MAST2: variants seen among roughly 807,000 people sequenced by gnomAD.
MAST2 encodes microtubule associated serine/threonine kinase 2.
A neutral mutation model predicts 147.4 loss-of-function variants in MAST2; 70 were observed. That is an observed-to-expected ratio of 0.47 (90% CI 0.39 to 0.58). MAST2 has a LOEUF of 0.58. Ranked by LOEUF, MAST2 falls within the 20% of genes least tolerant of loss-of-function variation. The pLI, the probability that MAST2 is intolerant of heterozygous loss-of-function variation, is 0.00. For missense variants in MAST2, 2,080 were observed against 2,302.3 expected, an observed-to-expected ratio of 0.90 and a Z score of 1.98; for synonymous variants, 869 against 896.8, an observed-to-expected ratio of 0.97 and a Z score of 0.55.
chr1:45,894,648 A>G (rs1369136657), intron 4 of MAST2, among the ~76,000 whole-genome samples: 1 of 152,220 alleles, frequency 6.6e-6, no homozygotes, highest in African/African-American at 2.4e-5. Flanking sequence ...ATTTGCTAAA[A>G]TTTTAACCAG....
At chr1:45,994,908 G>A (rs1192948099) in intron 5 of MAST2, among the ~76,000 whole-genome samples, 2 of 150,396 alleles carry the variant, frequency 1.3e-5, no homozygotes, top group Middle Eastern at 3.2e-3. Context: ...GCACTGTCTC[G>A]GCTCACTGCA....
chr1:45,911,056 A>C (rs1009385046), intron 4 of MAST2, among the ~76,000 whole-genome samples: 2 of 152,186 alleles, frequency 1.3e-5, no homozygotes, highest in Non-Finnish European at 2.9e-5. Context: ...TAAAGTGAGA[A>C]GCCCATAGCA....
intron 3 of MAST2, 144 bp downstream of exon 3, chr1:45,829,725 T>C: frequency 1.1e-6 from 1 of 926,412 alleles, no homozygotes; most frequent in East Asian, 2.7e-5. Flanking sequence ...AATTTATTAT[T>C]ATTTTTTTTA....
At chr1:45,877,060 G>T (rs559658008) in intron 3 of MAST2, among the ~76,000 whole-genome samples, 2 of 152,036 alleles carry the variant, frequency 1.3e-5, no homozygotes, top group African/African-American at 4.8e-5. Context: ...TCGTCTGTTC[G>T]TGCTGCTATA....
chr1:45,866,468 G>A (rs1027839828), intron 3 of MAST2, among the ~76,000 whole-genome samples: 7 of 152,124 alleles, frequency 4.6e-5, no homozygotes, highest in African/African-American at 1.7e-4. Flanking sequence ...TAGTTGCACT[G>A]CTTATTTATA....
chr1:46,013,577 G>C (rs1348327419), intron 10 of MAST2, among the ~76,000 whole-genome samples: 1 of 152,096 alleles, frequency 6.6e-6, no homozygotes, highest in East Asian at 1.9e-4. Flanking sequence ...CCGCTCGGGA[G>C]GCTGAGGCAG....
intron 3 of MAST2, among the ~76,000 whole-genome samples, chr1:45,842,567 T>A (rs978275177): frequency 1.3e-5 from 2 of 152,232 alleles, no homozygotes; most frequent in African/African-American, 4.8e-5. Flanking sequence ...TGACCTTCTG[T>A]ATCTGGTTTA....
intron 4 of MAST2, among the ~76,000 whole-genome samples, chr1:45,914,423 G>A (rs1459645655): frequency 1.3e-5 from 2 of 152,114 alleles, no homozygotes; most frequent in Admixed American, 1.3e-4. Context: ...AGTGGAAGAA[G>A]GCTTCCTCTT....
At chr1:45,961,081 C>CAAA (rs1219159932) in intron 5 of MAST2, among the ~76,000 whole-genome samples, 1 of 152,108 alleles carries the variant, frequency 6.6e-6, no homozygotes, top group Non-Finnish European at 1.5e-5. Context: ...AGAAGCCAGC[C>CAAA]TTTTAGTGTG....
chr1:45,985,022 A>T (rs1045345183), intron 5 of MAST2, among the ~76,000 whole-genome samples: 2 of 152,334 alleles, frequency 1.3e-5, no homozygotes, highest in Non-Finnish European at 2.9e-5. Context: ...TTACTGTGAT[A>T]AAATTGATAT....
chr1:45,807,354 C>G (rs1178535513), intron 1 of MAST2, among the ~76,000 whole-genome samples: 2 of 152,098 alleles, frequency 1.3e-5, no homozygotes, highest in Non-Finnish European at 2.9e-5. Flanking sequence ...CAGGCTCATT[C>G]TGTTTGTAGA....
At chr1:45,967,407 T>A (rs1421085950) in intron 5 of MAST2, among the ~76,000 whole-genome samples, 1 of 152,150 alleles carries the variant, frequency 6.6e-6, no homozygotes, top group African/African-American at 2.4e-5. Flanking sequence ...ATTTAACTAC[T>A]AATAGCCTGC....
chr1:45,822,949 A>G (rs1411000928), intron 1 of MAST2, among the ~76,000 whole-genome samples: 4 of 152,222 alleles, frequency 2.6e-5, no homozygotes, highest in African/African-American at 9.6e-5. Context: ...GTCCTGCTAC[A>G]GTTAGGTGCC....
Position 45,941,786 on chromosome 1 carries a change from A to G in MAST2, c.501-17600A>G, listed in dbSNP as rs145080042. ...ACTTGCCTTGTTCCTCCTCTTAGGG[A>G]GAAAAGCATTCAGTCTTGTTGTCAA... On this transcript the variant is annotated intron_variant, in intron 4 of 28. Transcript: ENST00000361297. Among the ~76,000 whole-genome samples the G allele has an allele frequency of 2.6e-5, 4 of 152,322 alleles. No homozygotes were observed. The East Asian group carries it at 7.7e-4, about 29-fold the overall frequency.
At chr1:46,022,166 C>T in intron 12 of MAST2, 84 bp downstream of exon 12, 1 of 1,565,288 alleles carries the variant, frequency 6.4e-7, no homozygotes, top group South Asian at 1.2e-5. Context: ...GGAAAAGAGA[C>T]TTAGCTTGGA....
intron 7 of MAST2, among the ~76,000 whole-genome samples, chr1:46,003,205 C>T (rs1322289954): frequency 6.6e-6 from 1 of 152,176 alleles, no homozygotes; most frequent in Non-Finnish European, 1.5e-5. Context: ...TCCCCTACTC[C>T]TCCATCCTTA....
chr1:45,808,933 G>A (rs1644215415), intron 1 of MAST2, among the ~76,000 whole-genome samples: 1 of 151,524 alleles, frequency 6.6e-6, no homozygotes, highest in African/African-American at 2.4e-5. Flanking sequence ...ACTTCTCTTG[G>A]TTCCTTAGGA....
chr1:45,820,006 A>G (rs2148680934), intron 1 of MAST2, among the ~76,000 whole-genome samples: 1 of 152,212 alleles, frequency 6.6e-6, no homozygotes, highest in Non-Finnish European at 1.5e-5. Flanking sequence ...AGAGACCAAT[A>G]GAACGGAATA....
chr1:45,864,955 A>G (rs1170681999), intron 3 of MAST2: 1 of 341,696 alleles, frequency 2.9e-6, no homozygotes, highest in Non-Finnish European at 5.8e-6. Flanking sequence ...GTGATTGTAT[A>G]CTTACGCTGG....
Sources: allele counts gnomAD v4.1 joint callset (sites outside exome capture counted in the v4.1 genomes callset), GRCh38; gene constraint gnomAD v4.1.1; transcripts MANE v1.5; gene names NCBI Gene and HGNC (gene_info 2026-07-23, HGNC 2026-07-21).